The following JAZF1 variants were observed in gnomAD, a reference collection of about 807,000 sequenced individuals.
JAZF1 encodes the protein juxtaposed with another zinc finger protein 1.
JAZF1 carries 8 observed loss-of-function variants against 26.4 expected under a neutral mutation model. The observed-to-expected ratio is 0.30, with a 90% confidence interval of 0.18 to 0.55. JAZF1 has a LOEUF of 0.55. JAZF1 is among the 20% of genes least tolerant of loss of function. JAZF1 has a pLI of 0.94. For missense variants in JAZF1, 199 were observed against 322.0 expected, an observed-to-expected ratio of 0.62 and a Z score of 2.92; for synonymous variants, 126 against 122.3, an observed-to-expected ratio of 1.03 and a Z score of -0.20.
chr7:27,864,527 C>G (rs75758477), intron 3 of JAZF1, among the ~76,000 whole-genome samples: 26 of 152,304 alleles, frequency 1.7e-4, no homozygotes, highest in South Asian at 6.2e-4. Context: ...CTACTGCCCC[C>G]CTAGCAGGAG....
chr7:28,164,746 C>A (rs184880636), intron 1 of JAZF1, among the ~76,000 whole-genome samples: 4 of 152,338 alleles, frequency 2.6e-5, no homozygotes, highest in Admixed American at 1.3e-4. Flanking sequence ...CCATTCTCCT[C>A]CCCTGCCCCC....
At chr7:27,924,102 C>T (rs969379485) in intron 2 of JAZF1, among the ~76,000 whole-genome samples, 4 of 152,040 alleles carry the variant, frequency 2.6e-5, no homozygotes, top group East Asian at 1.9e-4. Flanking sequence ...CTTTTGAGAC[C>T]GAGTCTTGCT....
intron 2 of JAZF1, among the ~76,000 whole-genome samples, chr7:27,982,011 G>T (rs947561147): frequency 1.3e-5 from 2 of 152,176 alleles, no homozygotes; most frequent in Non-Finnish European, 2.9e-5. Context: ...CAAGATGGCC[G>T]AATAGGAACT....
intron 1 of JAZF1, among the ~76,000 whole-genome samples, chr7:28,014,949 C>A (rs1190594630): frequency 1.3e-5 from 2 of 152,088 alleles, no homozygotes; most frequent in Non-Finnish European, 2.9e-5. Flanking sequence ...GTTTAAAGTG[C>A]GGTCCTGGAG....
chr7:27,844,327 C>G (rs1393520429), intron 3 of JAZF1: 2 of 152,212 alleles, frequency 1.3e-5, no homozygotes, highest in Non-Finnish European at 2.9e-5. Flanking sequence ...TCATGTTTTC[C>G]CACAAGAGGA....
intron 1 of JAZF1, among the ~76,000 whole-genome samples, chr7:28,068,653 T>A (rs1783924061): frequency 6.6e-6 from 1 of 152,130 alleles, no homozygotes; most frequent in African/African-American, 2.4e-5. Context: ...TGAGATACTT[T>A]TCCATACAAG....
At chr7:28,082,577 C>T (rs1476759547) in intron 1 of JAZF1, among the ~76,000 whole-genome samples, 1 of 152,124 alleles carries the variant, frequency 6.6e-6, no homozygotes, top group African/African-American at 2.4e-5. Context: ...CATGTATAAC[C>T]AGTAGCTCCC....
At chr7:28,147,507 T>C (rs1000022346) in intron 1 of JAZF1, among the ~76,000 whole-genome samples, 11 of 151,554 alleles carry the variant, frequency 7.3e-5, no homozygotes, top group Non-Finnish European at 7.4e-5. Flanking sequence ...TTTTTTTACA[T>C]TATGAAAGTT....
chr7:28,104,233 C>A (rs755098004), intron 1 of JAZF1, among the ~76,000 whole-genome samples: 1 of 152,244 alleles, frequency 6.6e-6, no homozygotes. Context: ...CCCCTCTCCA[C>A]TTTCCTTATC....
chr7:27,881,993 G>C (rs1783779792), intron 3 of JAZF1, among the ~76,000 whole-genome samples: 1 of 152,108 alleles, frequency 6.6e-6, no homozygotes, highest in Non-Finnish European at 1.5e-5. Context: ...AGGAATCTAT[G>C]TGAAAAATAA....
intron 3 of JAZF1, among the ~76,000 whole-genome samples, chr7:27,859,691 G>A (rs1028712584): frequency 7.2e-5 from 11 of 152,088 alleles, no homozygotes; most frequent in African/African-American, 9.6e-5. Context: ...GACACAGGGA[G>A]GGGAACATCA....
intron 2 of JAZF1, among the ~76,000 whole-genome samples, chr7:27,912,494 C>T (rs920846031): frequency 2.0e-5 from 3 of 151,946 alleles, no homozygotes; most frequent in Non-Finnish European, 4.4e-5. Flanking sequence ...GATAGGAGTC[C>T]GAAACTCTCA....
At chr7:28,074,792 T>C (rs775604357) in intron 1 of JAZF1, among the ~76,000 whole-genome samples, 2 of 152,220 alleles carry the variant, frequency 1.3e-5, no homozygotes, top group Non-Finnish European at 2.9e-5. Flanking sequence ...TGAAATTAAC[T>C]GACATTATTA....
intron 2 of JAZF1, among the ~76,000 whole-genome samples, chr7:27,964,016 G>C (rs556677471): frequency 6.6e-6 from 1 of 152,276 alleles, no homozygotes; most frequent in African/African-American, 2.4e-5. Flanking sequence ...ATATAGTGAT[G>C]GCAATTGTGA....
chr7:27,988,920 T>TAAAAAAAAAAAAAAAAAAAAAA (rs57661404), intron 2 of JAZF1, among the ~76,000 whole-genome samples: 1 of 83,772 alleles, frequency 1.2e-5, no homozygotes, highest in African/African-American at 4.6e-5. Context: ...AGAATCTCTG[T>TAAAAAAAAAAAAAAAAAAAAAA]AAAAAAAAAA....
chr7:27,996,722 G>A (rs1334054897), intron 1 of JAZF1, among the ~76,000 whole-genome samples: 1 of 152,174 alleles, frequency 6.6e-6, no homozygotes, highest in Non-Finnish European at 1.5e-5. Context: ...TGCTAGCACT[G>A]CAATTATGCC....
intron 1 of JAZF1, among the ~76,000 whole-genome samples, chr7:28,072,520 T>C (rs1189654929): frequency 2.6e-5 from 4 of 152,230 alleles, no homozygotes; most frequent in African/African-American, 9.6e-5. Context: ...TAAATTGGCA[T>C]TGCTTCACTT....
intron 3 of JAZF1, chr7:27,844,272 C>A (rs1328156487): frequency 1.3e-5 from 2 of 152,216 alleles, no homozygotes; most frequent in East Asian, 3.8e-4. Flanking sequence ...AACTAAGTCA[C>A]CAAAGCCCCT....
chr7:28,013,644 G>T lies in JAZF1; in HGVS notation c.116-21663C>A, dbSNP rs143408930. Among the ~76,000 whole-genome samples the T allele has an allele frequency of 4.2e-3, 643 of 152,250 alleles. 3 individuals carry two copies. The highest frequency in any genetic ancestry group is 0.015 in the African/African-American group (619 of 41,550). Reference sequence around the variant, plus strand: ...AAAGCAGTTTAGTAATCTTAGATTAGATGACACATAGTAACGGGCTGCAGG... The same window carrying T: ...AAAGCAGTTTAGTAATCTTAGATTATATGACACATAGTAACGGGCTGCAGG... On this transcript the variant is annotated intron_variant, in intron 1 of 4. Coordinates refer to ENST00000283928, the MANE Select transcript of JAZF1 (RefSeq NM_175061.4).
Sources: allele counts gnomAD v4.1 joint callset (sites outside exome capture counted in the v4.1 genomes callset), GRCh38; gene constraint gnomAD v4.1.1; transcripts MANE v1.5; gene names NCBI Gene and HGNC (gene_info 2026-07-23, HGNC 2026-07-21).